The following MYO1D variants were observed in gnomAD, a reference collection of about 807,000 sequenced individuals.
The protein encoded by MYO1D is myosin ID.
MYO1D carries 83 observed loss-of-function variants against 122.0 expected under a neutral mutation model. That is an observed-to-expected ratio of 0.68 (90% CI 0.57 to 0.82). The LOEUF (loss-of-function observed/expected upper bound fraction) is 0.82, where lower values mean the gene tolerates loss of function less well. Ranked by LOEUF, MYO1D falls within the 40% of genes least tolerant of loss-of-function variation. The probability of loss-of-function intolerance (pLI) is 0.00; values close to 1 mark genes in which losing one functional copy is unlikely to be tolerated. For synonymous variants in MYO1D, 464 were observed against 446.9 expected (o/e 1.04, Z -0.48); for missense variants, 1,157 against 1,269.5 (o/e 0.91, Z 1.35).
intron 15 of MYO1D, among the ~76,000 whole-genome samples, chr17:32,716,966 G>A (rs1040669193): frequency 2.5e-4 from 38 of 152,152 alleles, no homozygotes; most frequent in African/African-American, 9.2e-4. Flanking sequence ...TCTTTTCTCA[G>A]TAAAATAAAT....
intron 1 of MYO1D, among the ~76,000 whole-genome samples, chr17:32,816,298 T>C (rs937170071): frequency 6.6e-6 from 1 of 152,170 alleles, no homozygotes; most frequent in African/African-American, 2.4e-5. Flanking sequence ...GTGCTAACAC[T>C]GTATTAAACA....
At chr17:32,633,906 T>C (rs1230657967) in intron 20 of MYO1D, among the ~76,000 whole-genome samples, 3 of 152,174 alleles carry the variant, frequency 2.0e-5, no homozygotes, top group Non-Finnish European at 4.4e-5. Context: ...TTTTATTTTT[T>C]CCCTTATCAC....
At chr17:32,804,213 C>T (rs2090487390) in intron 1 of MYO1D, among the ~76,000 whole-genome samples, 1 of 152,106 alleles carries the variant, frequency 6.6e-6, no homozygotes, top group South Asian at 2.1e-4. Context: ...ACGATGTAAA[C>T]AGTTGTTATA....
intron 14 of MYO1D, among the ~76,000 whole-genome samples, chr17:32,724,123 G>A (rs540411309): frequency 6.7e-4 from 102 of 152,174 alleles, no homozygotes; most frequent in African/African-American, 2.2e-3. Flanking sequence ...GAAGTCGGGC[G>A]GAGGCACTGT....
At chr17:32,872,947 C>T (rs1039483578) in intron 1 of MYO1D, among the ~76,000 whole-genome samples, 12 of 152,040 alleles carry the variant, frequency 7.9e-5, no homozygotes, top group Non-Finnish European at 1.6e-4. Context: ...CCACCTGCCT[C>T]GGCCTCCCAA....
At chr17:32,566,005 G>A (rs1425058535) in intron 21 of MYO1D, among the ~76,000 whole-genome samples, 1 of 152,160 alleles carries the variant, frequency 6.6e-6, no homozygotes, top group African/African-American at 2.4e-5. Flanking sequence ...GATTACAGAT[G>A]TGAGCCACCG....
intron 1 of MYO1D, among the ~76,000 whole-genome samples, chr17:32,815,441 T>C (rs1265788411): frequency 6.6e-6 from 1 of 152,230 alleles, no homozygotes; most frequent in Non-Finnish European, 1.5e-5. Context: ...TTGTGAGAAC[T>C]ATCTCTAAAG....
At chr17:32,590,241 G>A (rs2087427078) in intron 21 of MYO1D, among the ~76,000 whole-genome samples, 1 of 152,082 alleles carries the variant, frequency 6.6e-6, no homozygotes, top group African/African-American at 2.4e-5. Flanking sequence ...CTCTCCAAAT[G>A]TACCAGCTCC....
chr17:32,584,545 C>G (rs2087369547), intron 21 of MYO1D, among the ~76,000 whole-genome samples: 1 of 151,178 alleles, frequency 6.6e-6, no homozygotes, highest in South Asian at 2.1e-4. Flanking sequence ...GTCATCCAGG[C>G]TGGAATAGCT....
chr17:32,713,843 T>C (rs759405969), intron 15 of MYO1D, among the ~76,000 whole-genome samples: 1 of 152,038 alleles, frequency 6.6e-6, no homozygotes, highest in Non-Finnish European at 1.5e-5. Context: ...AGGCTGGTCT[T>C]GAACTCCTGA....
chr17:32,764,116 C>T (rs1567629793), intron 8 of MYO1D, among the ~76,000 whole-genome samples: 1 of 152,150 alleles, frequency 6.6e-6, no homozygotes, highest in African/African-American at 2.4e-5. Flanking sequence ...ACTATCACTG[C>T]AGGCTTAGTA....
chr17:32,501,008 CA>C (rs548406349), intron 21 of MYO1D, among the ~76,000 whole-genome samples: 6,703 of 94,224 alleles, frequency 0.071, 144 homozygotes, highest in Middle Eastern at 0.15. Context: ...GACTCCATCT[CA>C]AAAAAAAAAA....
At chr17:32,633,343 A>C (rs778091378) in intron 20 of MYO1D, among the ~76,000 whole-genome samples, 5 of 151,148 alleles carry the variant, frequency 3.3e-5, no homozygotes, top group Non-Finnish European at 7.4e-5. Flanking sequence ...ACATATAATC[A>C]ATATTAGGAA....
intron 21 of MYO1D, among the ~76,000 whole-genome samples, chr17:32,560,528 CATATATAT>C (rs56214129): frequency 0.02 from 1,291 of 65,356 alleles, 104 homozygotes; most frequent in South Asian, 0.032. Context: ...CCAGAGACAA[CATATATAT>C]ATATATATAT....
chr17:32,850,319 T>C (rs2090975062), intron 1 of MYO1D, among the ~76,000 whole-genome samples: 1 of 152,174 alleles, frequency 6.6e-6, no homozygotes, highest in African/African-American at 2.4e-5. Context: ...TGTGAAGTTT[T>C]AAAAATAACA....
intron 1 of MYO1D, among the ~76,000 whole-genome samples, chr17:32,838,684 C>T (rs1055851897): frequency 8.5e-5 from 13 of 152,174 alleles, no homozygotes; most frequent in Admixed American, 5.9e-4. Flanking sequence ...AGGGCTTCAT[C>T]GGGGGCAAAG....
At chr17:32,701,077 A>G (rs955941763) in intron 16 of MYO1D, among the ~76,000 whole-genome samples, 4 of 152,156 alleles carry the variant, frequency 2.6e-5, no homozygotes, top group African/African-American at 4.8e-5. Flanking sequence ...AATGAAATTC[A>G]CAAAATAAGA....
intron 1 of MYO1D, among the ~76,000 whole-genome samples, chr17:32,824,065 T>TGA (rs2090699776): frequency 6.3e-5 from 2 of 31,762 alleles, no homozygotes; most frequent in South Asian, 1.8e-3. Context: ...AGACTCCGTC[T>TGA]CAAAAAAAAA....
intron 21 of MYO1D, among the ~76,000 whole-genome samples, chr17:32,577,895 C>T (rs4795709): frequency 0.041 from 6,312 of 152,178 alleles, 198 homozygotes; most frequent in East Asian, 0.18. Flanking sequence ...CCCGCCACCA[C>T]GCCTGGCTAA....
Sources: allele counts gnomAD v4.1 joint callset (sites outside exome capture counted in the v4.1 genomes callset), GRCh38; gene constraint gnomAD v4.1.1; transcripts MANE v1.5; gene names NCBI Gene and HGNC (gene_info 2026-07-23, HGNC 2026-07-21).